Variants in STRC observed in about 807,000 individuals in gnomAD.
STRC encodes the protein stereocilin.
Under a neutral mutation model 103.5 loss-of-function variants are expected in STRC, and 43 were observed. That is an observed-to-expected ratio of 0.42 (90% confidence interval 0.33 to 0.54). The LOEUF is 0.54. Ranked by LOEUF, STRC falls within the 20% of genes least tolerant of loss-of-function variation. The pLI, the probability that STRC is intolerant of heterozygous loss-of-function variation, is 0.14. For synonymous variants in STRC, 186 were observed against 442.3 expected (o/e 0.42, Z 7.27); for missense variants, 499 against 1,088.5 (o/e 0.46, Z 7.62).
At position 43,603,487 on chromosome 15, in the gene STRC, A is replaced by T. The variant is rs534962397; in HGVS notation, c.4376-76T>A. ...CAGAGAGATATCTGTAGATAGAGTG[A>T]GTCTTCCAACCTTTGGAGGATAGAG... is the stretch of plus-strand genomic sequence containing the variant. On this transcript the variant is annotated intron_variant, in intron 22 of 28. Coordinates refer to ENST00000450892, the MANE Select transcript of STRC (RefSeq NM_153700.2). 4.7e-6 allele frequency: 7 copies of T among 1,488,350 alleles called. No individual in the cohort carries two copies. In the East Asian group the frequency reaches 9.0e-5, roughly 19 times the overall value. 92.2% of individuals were successfully genotyped at this position (1,488,350 alleles called of 1,614,324 possible).
chr15:43,603,293 G>A lies in STRC; in HGVS notation c.4494C>T (p.Asp1498=), dbSNP rs138021627. The A allele has an allele frequency of 6.2e-7, 1 of 1,613,798 alleles. No individual in the cohort carries two copies. The highest frequency in any genetic ancestry group is 8.5e-7 in the Non-Finnish European group (1 of 1,179,886). Residue 1498 remains aspartate, a synonymous_variant, in exon 23 of 29, where the codon GAC becomes GAT. Coordinates refer to ENST00000450892, the MANE Select transcript of STRC (RefSeq NM_153700.2). ...FEDCLTLFAG[D]PGLGPEELRA... ...GCAGTTCCTCAGGCCCAAGTCCTGG[G>A]TCTCCTGCAAATAATGTCAGGCAGT...
rs1201726923 is a variant in STRC, at chr15:43,600,575, T to C, written c.4952A>G (p.Asn1651Ser). ...VLPGGFGPIS[N>S]WGPEIFTEIG... ...TTCAGTGAAGATCTCAGGCCCCCAGTTACTGATTGGGCCAAACCCACCAGG... is the reference window on the plus strand; with the variant it reads ...TTCAGTGAAGATCTCAGGCCCCCAGCTACTGATTGGGCCAAACCCACCAGG... Residue 1651 changes from asparagine to serine, a missense_variant, in exon 26 of 29, where the codon AAC becomes AGC. Asn to Ser is a conservative substitution (Grantham distance 46). Coordinates refer to ENST00000450892, the MANE Select transcript of STRC (RefSeq NM_153700.2). 1.2e-6 allele frequency: 2 copies of C among 1,613,360 alleles called. No homozygotes were observed. The highest frequency in any genetic ancestry group is 8.5e-7 in the Non-Finnish European group (1 of 1,179,746).
Position 43,600,699 on chromosome 15 carries a change from AG to A in STRC, c.4845-18del. On this transcript the variant is annotated intron_variant, in intron 25 of 28. Transcript: ENST00000450892. ...GCTGCTTGGCTGTAGAACAGTAGGA[AG>A]GAAGGAAGAAGAATTCGGCTTCAGT... 1 of 1,612,848 alleles carries A rather than the reference AG, an allele frequency of 6.2e-7. No homozygotes were observed. Among genetic ancestry groups the A allele is most frequent in the South Asian group, 1.1e-5 (1 of 90,990 alleles).
intron 19 of STRC, 161 bp from the exon 20 acceptor site, chr15:43,605,007 G>C (rs2085701894): frequency 8.0e-7 from 1 of 1,243,368 alleles, no homozygotes. Context: ...AATGAGCCCA[G>C]ATAGGAGCAG....
In STRC at chr15:43,603,987, T is replaced by C. The variant is rs2085693245; in HGVS notation, c.4375+9A>G. ...CCTGCTGGACATATAAGTATTTGGG[T>C]AGTTTCACCTGGAAGATCCTCAGCA... On this transcript the variant is annotated intron_variant, in intron 22 of 28. Coordinates refer to ENST00000450892, the MANE Select transcript of STRC (RefSeq NM_153700.2). The C allele has an allele frequency of 3.7e-6, 6 of 1,612,840 alleles. No homozygotes were observed. Among genetic ancestry groups the C allele is most frequent in the Non-Finnish European group, 5.1e-6 (6 of 1,179,566 alleles).
At chr15:43,601,048 G>A (rs1380268339) in intron 24 of STRC, 34 bp from the exon 25 acceptor site, 3 of 1,390,372 alleles carry the variant, frequency 2.2e-6, no homozygotes, top group East Asian at 2.6e-5. Flanking sequence ...GGGGAAGGAG[G>A]AAAGTTATGG....
At chr15:43,605,461 C>A (rs1390264166) in intron 18 of STRC, 62 bp from the exon 19 acceptor site, 5 of 1,556,028 alleles carry the variant, frequency 3.2e-6, no homozygotes, top group Non-Finnish European at 4.4e-6. Context: ...GAGAAGGGAC[C>A]ACAAAACCCC....
In STRC at chr15:43,616,579, GGGCAGAGGCACGCCCGTGCTCA is replaced by G; in HGVS notation, c.965_986del (p.Leu322ProfsTer28). 1 of 454,702 alleles carries G rather than the reference GGGCAGAGGCACGCCCGTGCTCA, an allele frequency of 2.2e-6. No individual in the cohort carries two copies. The highest frequency in any genetic ancestry group is 3.7e-6 in the Non-Finnish European group (1 of 269,720). The allele number at this position is 454,702 out of a possible 1,614,324, so 28.2% of individuals were successfully genotyped here. A position where few individuals can be genotyped will look rare whatever the true frequency, so the allele number is the denominator to read the frequency against. On this transcript the variant is annotated frameshift_variant, in exon 4 of 29. Transcript: ENST00000450892. LOFTEE classifies it high-confidence loss of function. ...TGTGGGCTGACGGCTGAGAAGCTCT[GGGCAGAGGCACGCCCGTGCTCA>G]GGCAGTGAAGGAGGGCAGGGGGTGG...
rs760961629 is a variant in STRC at position 43,604,092 on chromosome 15, T to C, written c.4279A>G (p.Ser1427Gly). The C allele has an allele frequency of 2.5e-6, 4 of 1,613,136 alleles. 1 individual carries two copies. Among genetic ancestry groups the C allele is most frequent in the Admixed American group, 1.7e-5 (1 of 59,958 alleles). Residue 1427 changes from serine (S) to glycine (G), a missense_variant, in exon 22 of 29, where the codon AGC becomes GGC. Ser to Gly is a moderately conservative substitution (Grantham distance 56). Coordinates refer to ENST00000450892, the MANE Select transcript of STRC (RefSeq NM_153700.2). ...TCCCTACACAGCTGTCCAACTCTGC[T>C]CTGCTCCCAGCTCTGCTGCTTTTCT... ...LLEKQQSWEQ[S>G]RVGQLCREPQ...
In STRC at chr15:43,600,257, C is replaced by G. The variant is rs767309142; in HGVS notation, c.5030G>C (p.Arg1677Pro). The G allele has an allele frequency of 5.7e-6, 7 of 1,218,476 alleles. No homozygotes were observed. The highest frequency in any genetic ancestry group is 5.9e-6 in the Non-Finnish European group (5 of 849,248). The allele number at this position is 1,218,476 out of a possible 1,614,324, so 75.5% of individuals were successfully genotyped here. Residue 1677 changes from arginine to proline, a missense_variant, in exon 27 of 29, where the codon CGG (arginine) becomes CCG (proline). Physicochemically the swap from Arg to Pro is moderately radical, Grantham distance 103 (BLOSUM62 -2). Coordinates refer to ENST00000450892, the MANE Select transcript of STRC (RefSeq NM_153700.2). Reference sequence around the variant, plus strand: ...AGGAGTAACGCCCTGGATCTGTCCCCGCAGCAGTGCTGAAAGAGCCAGGTC... The same window carrying G: ...AGGAGTAACGCCCTGGATCTGTCCCGGCAGCAGTGCTGAAAGAGCCAGGTC... The part of the protein sequence containing the change: ...IPDLALSALL[R>P]GQIQGVTPLA...
Position 43,604,704 on chromosome 15 carries a change from C to T in STRC, c.4073G>A (p.Gly1358Glu). 2 of 1,613,636 alleles carry T rather than the reference C, an allele frequency of 1.2e-6. No individual in the cohort carries two copies. The highest frequency in any genetic ancestry group is 3.3e-5 in the Admixed American group (2 of 60,000). The part of the protein sequence containing the change: ...HLSQLQGFCL[G>E]ETFATELGWL... Reference sequence around the variant, plus strand: ...TCCCAGCTCTGTGGCAAATGTCTCTCCTAGGCAGAAGCCTTGCAGCTGACT... The same window carrying T: ...TCCCAGCTCTGTGGCAAATGTCTCTTCTAGGCAGAAGCCTTGCAGCTGACT... The change falls in exon 20 of 29, where the codon GGA (glycine) becomes GAA (glutamate). Residue 1358 changes from glycine to glutamate, a missense_variant. Coordinates refer to ENST00000450892, the MANE Select transcript of STRC (RefSeq NM_153700.2).
In STRC at chr15:43,601,701, G is replaced by A. The variant is rs1362479690; in HGVS notation, c.4546-150C>T. 3.6e-5 allele frequency: 29 copies of A among 797,568 alleles called. No homozygotes were observed. In the East Asian group the frequency reaches 5.9e-4, roughly 16 times the overall value. The allele number at this position is 797,568 out of a possible 1,614,324, so 49.4% of individuals were successfully genotyped here. On this transcript the variant is annotated intron_variant, in intron 23 of 28. Transcript: ENST00000450892. ...GTTTCCTCCACTATAAAATGAGACC[G>A]TTGCCTTACAGTTCCTCTAAGGTGT... is the stretch of plus-strand genomic sequence containing the variant.
chr15:43,603,348 A>G lies in STRC; in HGVS notation c.4439T>C (p.Ile1480Thr). The G allele has an allele frequency of 6.2e-7, 1 of 1,613,802 alleles. No homozygotes were observed. Among genetic ancestry groups the G allele is most frequent in the Non-Finnish European group, 8.5e-7 (1 of 1,179,862 alleles). Residue 1480 changes from isoleucine (I) to threonine (T), a missense_variant, in exon 23 of 29, where the codon ATT becomes ACT. Ile to Thr is a moderately conservative substitution (Grantham distance 89). Transcript: ENST00000450892. ...AAAGTCTGAGAGCTCCATCTCTGCA[A>G]TCTGGGTTGCAGACCAGGCTGCTGG... Reference protein sequence around the residue: ...TFPAAWSATQIAEMELSDFED... With the variant: ...TFPAAWSATQTAEMELSDFED...
intron 23 of STRC, 161 bp from the exon 24 acceptor site, chr15:43,601,712 G>A: frequency 1.4e-6 from 1 of 727,090 alleles, no homozygotes; most frequent in Non-Finnish European, 2.4e-6. Flanking sequence ...TTGCCTTACA[G>A]TTCCTCTAAG....
In STRC at chr15:43,603,187, A is replaced by C; in HGVS notation, c.4545+55T>G. ...ACTCTCCATTCTCTTTGTGTCCTAC[A>C]TCACACCCAAATAGCTTCCTCATGG... On this transcript the variant is annotated intron_variant, in intron 23 of 28. Transcript: ENST00000450892. 1.9e-6 allele frequency: 3 copies of C among 1,585,258 alleles called. No individual in the cohort carries two copies. The East Asian group carries it at 6.7e-5, about 35-fold the overall frequency.
At chr15:43,600,718 G>C in intron 25 of STRC, 36 bp from the exon 26 acceptor site, 1 of 1,612,974 alleles carries the variant, frequency 6.2e-7, no homozygotes, top group Non-Finnish European at 8.5e-7. Context: ...GAAGAATTCG[G>C]CTTCAGTGAA....
chr15:43,600,243 C>T lies in STRC; in HGVS notation c.5044G>A (p.Gly1682Ser), dbSNP rs1338371325. The T allele has an allele frequency of 3.9e-6, 5 of 1,277,572 alleles. No homozygotes were observed. Among genetic ancestry groups the T allele is most frequent in the Admixed American group, 4.0e-5 (2 of 49,922 alleles). 79.1% of individuals were successfully genotyped at this position (1,277,572 alleles called of 1,614,324 possible). A position where few individuals can be genotyped will look rare whatever the true frequency, so the allele number is the denominator to read the frequency against. Residue 1682 changes from glycine to serine, a missense_variant, in exon 27 of 29, where the codon GGC (glycine) becomes AGC (serine). Coordinates refer to ENST00000450892, the MANE Select transcript of STRC (RefSeq NM_153700.2). ...LSALLRGQIQ[G>S]VTPLAISVIP... ...ACAGAAATGGCAAGAGGAGTAACGC[C>T]CTGGATCTGTCCCCGCAGCAGTGCT...
At chr15:43,601,052 G>A (rs1439479556) in intron 24 of STRC, 38 bp from the exon 25 acceptor site, 1 of 1,352,202 alleles carries the variant, frequency 7.4e-7, no homozygotes, top group South Asian at 1.2e-5. Flanking sequence ...AAGGAGGAAA[G>A]TTATGGAGAA....
Position 43,600,975 on chromosome 15 carries a change from G to A in STRC, c.4741C>T (p.Arg1581Trp), listed in dbSNP as rs372949586. 1.0e-4 allele frequency: 157 copies of A among 1,562,058 alleles called. 1 individual carries two copies. The highest frequency in any genetic ancestry group is 1.3e-4 in the East Asian group (5 of 39,936). Residue 1581 changes from arginine to tryptophan, a missense_variant, in exon 25 of 29, where the codon CGG becomes TGG. Arg to Trp is a moderately radical substitution (Grantham distance 101). Coordinates refer to ENST00000450892, the MANE Select transcript of STRC (RefSeq NM_153700.2). The part of the protein sequence containing the change: ...VVSSFLRQSG[R>W]HVSHLDFVHL... ...ACGAAGTCCAGGTGGCTCACATGCC[G>A]ACCACTCTGCCGTAGGAAACTGGAG...
Sources: gnomAD v4.1 joint callset for allele counts on GRCh38, gnomAD v4.1.1 for gene constraint, MANE v1.5 for transcripts, NCBI Gene and HGNC (gene_info 2026-07-23, HGNC 2026-07-21) for gene names.